The following TUT4 variants were observed in gnomAD, a reference collection of about 807,000 sequenced individuals.
TUT4 encodes the protein terminal uridylyl transferase 4, also known as terminal uridylyltransferase 4.
A neutral mutation model predicts 192.2 loss-of-function variants in TUT4; 36 were observed. That is an observed-to-expected ratio of 0.19 (90% CI 0.14 to 0.25). TUT4 has a LOEUF of 0.25. Ranked by LOEUF, TUT4 falls within the 10% of genes least tolerant of loss-of-function variation. TUT4 has a pLI of 1.00. For missense variants in TUT4, 1,493 were observed against 1,957.2 expected, an observed-to-expected ratio of 0.76 and a Z score of 4.47; for synonymous variants, 618 against 666.0, an observed-to-expected ratio of 0.93 and a Z score of 1.11.
At chr1:52,479,565 T>A (rs2148942559) in intron 11 of TUT4, among the ~76,000 whole-genome samples, 1 of 152,196 alleles carries the variant, frequency 6.6e-6, no homozygotes, top group South Asian at 2.1e-4. Context: ...ACTCCAAGGT[T>A]AACCGAAAGG....
intron 1 of TUT4, among the ~76,000 whole-genome samples, chr1:52,541,805 TC>T (rs1686773415): frequency 6.6e-6 from 1 of 152,112 alleles, no homozygotes; most frequent in Non-Finnish European, 1.5e-5. Flanking sequence ...GTATGACAAC[TC>T]CTCAAAAAAT....
At position 52,461,622 on chromosome 1, in the gene TUT4, T is replaced by TA; in HGVS notation, c.3128-7_3128-6insT. ...AGGCAAAATGTTTCTTAAACCTAATTTAAAAAAAAAAGACTTCAGTAGGTT... is the reference window on the plus strand; with the variant it reads ...AGGCAAAATGTTTCTTAAACCTAATTATAAAAAAAAAAGACTTCAGTAGGTT... On this transcript the variant is annotated splice_region_variant and splice_polypyrimidine_tract_variant and intron_variant, in intron 17 of 29. Transcript: ENST00000257177. 2.5e-6 allele frequency: 4 copies of TA among 1,593,336 alleles called. No homozygotes were observed. In the African/African-American group the frequency reaches 5.5e-5, roughly 22 times the overall value.
chr1:52,428,079 G>C (rs947501025), intron 28 of TUT4, among the ~76,000 whole-genome samples: 2 of 151,214 alleles, frequency 1.3e-5, no homozygotes, highest in Non-Finnish European at 2.9e-5. Flanking sequence ...GTTAATATCG[G>C]AAAAAAAACA....
intron 24 of TUT4, among the ~76,000 whole-genome samples, chr1:52,439,879 C>A (rs1654983416): frequency 6.6e-6 from 1 of 152,042 alleles, no homozygotes; most frequent in Non-Finnish European, 1.5e-5. Context: ...AAATGTCCAA[C>A]AACTGATGAA....
chr1:52,437,899 G>A (rs1374762730), intron 25 of TUT4, among the ~76,000 whole-genome samples: 1 of 150,434 alleles, frequency 6.6e-6, no homozygotes, highest in Non-Finnish European at 1.5e-5. Flanking sequence ...AGGATGCAGT[G>A]AGCCGAGATC....
At chr1:52,543,044 C>G (rs556440197) in intron 1 of TUT4, among the ~76,000 whole-genome samples, 8 of 152,142 alleles carry the variant, frequency 5.3e-5, no homozygotes, top group Admixed American at 4.6e-4. Context: ...CGTGAGCCAC[C>G]ATGCCCGGCC....
chr1:52,473,166 A>G (rs536804074), intron 13 of TUT4, among the ~76,000 whole-genome samples: 10 of 152,290 alleles, frequency 6.6e-5, no homozygotes, highest in African/African-American at 2.4e-4. Context: ...CCTGCCATTT[A>G]TTTGATGCTT....
At chr1:52,496,493 G>C (rs910003080) in intron 5 of TUT4, among the ~76,000 whole-genome samples, 3 of 152,030 alleles carry the variant, frequency 2.0e-5, no homozygotes, top group African/African-American at 4.8e-5. Flanking sequence ...TCTTACGTCA[G>C]ATACATTTAC....
At chr1:52,426,088 G>A (rs1649825099) in intron 28 of TUT4, among the ~76,000 whole-genome samples, 1 of 152,102 alleles carries the variant, frequency 6.6e-6, no homozygotes, top group African/African-American at 2.4e-5. Flanking sequence ...TAAAGACAAT[G>A]CCAACTATCC....
intron 1 of TUT4, among the ~76,000 whole-genome samples, chr1:52,527,815 G>A (rs958822590): frequency 2.0e-5 from 3 of 152,128 alleles, no homozygotes; most frequent in African/African-American, 7.2e-5. Flanking sequence ...CTATGCATGT[G>A]TGGATGCAGG....
intron 3 of TUT4, 199 bp downstream of exon 3, chr1:52,515,692 C>G (rs148953187): frequency 4.5e-6 from 3 of 660,822 alleles, no homozygotes; most frequent in Non-Finnish European, 7.8e-6. Context: ...GTCAGACTCA[C>G]AGATAATAAG....
In TUT4 at chr1:52,424,004, T is replaced by C. The variant is rs890834659; in HGVS notation, c.4871-2A>G. On this transcript the variant is annotated splice_acceptor_variant, in intron 29 of 29. Coordinates refer to ENST00000257177, the MANE Select transcript of TUT4 (RefSeq NM_001009881.3). LOFTEE classifies it high-confidence loss of function. ...TACACCGACGGGTGGCACATCTGTC[T>C]GTTGGATACAACACAGACAGGAAAC... 1 of 1,609,248 alleles carries C rather than the reference T, an allele frequency of 6.2e-7. No individual in the cohort carries two copies. The highest frequency in any genetic ancestry group is 8.5e-7 in the Non-Finnish European group (1 of 1,177,772).
intron 9 of TUT4, among the ~76,000 whole-genome samples, chr1:52,483,702 C>T (rs1468803672): frequency 6.6e-6 from 1 of 151,920 alleles, no homozygotes; most frequent in East Asian, 1.9e-4. Flanking sequence ...CTCAGCTACT[C>T]GGGAGGCTGA....
At chr1:52,494,606 C>T (rs1672008040) in intron 6 of TUT4, among the ~76,000 whole-genome samples, 1 of 152,146 alleles carries the variant, frequency 6.6e-6, no homozygotes, top group African/African-American at 2.4e-5. Flanking sequence ...ACAGGAGAAT[C>T]GCTTGAACCC....
chr1:52,488,087 GACT>G (rs1470336793), intron 9 of TUT4, among the ~76,000 whole-genome samples: 1 of 152,154 alleles, frequency 6.6e-6, no homozygotes, highest in Non-Finnish European at 1.5e-5. Flanking sequence ...TAGGCTTTCT[GACT>G]GTTTCGTACT....
intron 11 of TUT4, among the ~76,000 whole-genome samples, chr1:52,480,386 G>T (rs1271699717): frequency 6.6e-6 from 1 of 152,214 alleles, no homozygotes; most frequent in East Asian, 1.9e-4. Flanking sequence ...ACTGAGAAAT[G>T]ACCACGGGAT....
intron 2 of TUT4, among the ~76,000 whole-genome samples, chr1:52,520,511 T>C (rs1418222154): frequency 6.6e-6 from 1 of 152,180 alleles, no homozygotes; most frequent in South Asian, 2.1e-4. Context: ...GCTTTCTGAA[T>C]CAAAACACTC....
intron 28 of TUT4, among the ~76,000 whole-genome samples, chr1:52,429,585 AT>A (rs1294824580): frequency 5.4e-5 from 8 of 149,344 alleles, no homozygotes; most frequent in Non-Finnish European, 1.2e-4. Flanking sequence ...CTTTTTTTTA[AT>A]TTTATTTATT....
chr1:52,526,020 C>T lies in TUT4; in HGVS notation c.261G>A (p.Gly87=). ...AANLPGPKDL[G]LVLRDQSHCK... is the part of the protein sequence containing the mutation. ...AATGACTTTGATCTCGAAGGACTAA[C>T]CCCAAATCTTTAGGACCTGGAAGGT... The change falls in exon 2 of 30, where the codon GGG becomes GGA. Residue 87 remains glycine, a synonymous_variant. Coordinates refer to ENST00000257177, the MANE Select transcript of TUT4 (RefSeq NM_001009881.3). 6.2e-7 allele frequency: 1 copy of T among 1,613,750 alleles called. No individual in the cohort carries two copies. The highest frequency in any genetic ancestry group is 1.3e-5 in the African/African-American group (1 of 75,014).
Sources: gnomAD v4.1 joint callset for allele counts (sites outside exome capture counted in the v4.1 genomes callset) on GRCh38, gnomAD v4.1.1 for gene constraint, MANE v1.5 for transcripts, NCBI Gene and HGNC (gene_info 2026-07-23, HGNC 2026-07-21) for gene names.